The following FHIT variants were observed in gnomAD, a reference collection of about 807,000 sequenced individuals.
The protein encoded by FHIT is bis(5'-adenosyl)-triphosphatase.
Under a neutral mutation model 17.9 loss-of-function variants are expected in FHIT, and 19 were observed. The ratio of observed to expected loss-of-function variants is 1.06; its 90% confidence interval spans 0.74 to 1.56. The LOEUF (loss-of-function observed/expected upper bound fraction) is 1.56. Ranked by LOEUF, FHIT falls within the 40% of genes most tolerant of loss-of-function variation. The pLI is 0.00. For synonymous variants in FHIT, 81 were observed against 69.7 expected (o/e 1.16, Z -0.81); for missense variants, 248 against 189.2 (o/e 1.31, Z -1.82).
At position 60,730,093 on chromosome 3, in the gene FHIT, A is replaced by G. The variant is rs1553710746; in HGVS notation, c.-18+91826T>C. The G allele has an allele frequency of 5.9e-6, 3 of 512,450 alleles. No individual in the cohort carries two copies. In the Admixed American group the frequency reaches 6.5e-5, roughly 11 times the overall value. The allele number at this position is 512,450 out of a possible 1,614,324, so 31.7% of individuals were successfully genotyped here. ...TTCAAAAAATCTCTTCAGGTAGTAG[A>G]TGTGTCCCAATGTCATGGCAATTAG... On this transcript the variant is annotated intron_variant, in intron 4 of 9. Transcript: ENST00000492590.
intron 3 of FHIT, among the ~76,000 whole-genome samples, chr3:60,853,276 A>T (rs927050827): frequency 8.5e-5 from 13 of 152,176 alleles, no homozygotes; most frequent in Non-Finnish European, 1.8e-4. Flanking sequence ...TTTCTTCTAA[A>T]TAAAAATATT....
chr3:60,764,090 G>C (rs782418116), intron 4 of FHIT, among the ~76,000 whole-genome samples: 1 of 152,084 alleles, frequency 6.6e-6, no homozygotes, highest in Non-Finnish European at 1.5e-5. Flanking sequence ...TGGTACGACG[G>C]GGATTGGAAA....
chr3:60,309,291 G>C (rs1276280381), intron 5 of FHIT, among the ~76,000 whole-genome samples: 1 of 151,926 alleles, frequency 6.6e-6, no homozygotes, highest in East Asian at 1.9e-4. Context: ...TTATTACAAG[G>C]GTGGGTGGGG....
At chr3:60,877,417 T>A (rs1362595216) in intron 3 of FHIT, among the ~76,000 whole-genome samples, 1 of 152,166 alleles carries the variant, frequency 6.6e-6, no homozygotes, top group African/African-American at 2.4e-5. Flanking sequence ...GTGCTAGAGA[T>A]GAAGCAATAC....
At chr3:59,894,343 G>T (rs1436099829) in intron 8 of FHIT, among the ~76,000 whole-genome samples, 4 of 152,134 alleles carry the variant, frequency 2.6e-5, no homozygotes, top group Admixed American at 2.0e-4. Flanking sequence ...ACCTTATGAG[G>T]TTATTATGAA....
chr3:61,232,708 G>C (rs2040136511), intron 1 of FHIT, among the ~76,000 whole-genome samples: 1 of 152,168 alleles, frequency 6.6e-6, no homozygotes, highest in Non-Finnish European at 1.5e-5. Flanking sequence ...CACAGGACTA[G>C]GAAATTAAGA....
At chr3:59,945,672 T>C (rs896724177) in intron 7 of FHIT, among the ~76,000 whole-genome samples, 1 of 152,200 alleles carries the variant, frequency 6.6e-6, no homozygotes, top group Non-Finnish European at 1.5e-5. Context: ...GTTTTAGGTT[T>C]TACATTTAAG....
At chr3:60,876,069 A>G (rs1553756444) in intron 3 of FHIT, among the ~76,000 whole-genome samples, 2 of 152,214 alleles carry the variant, frequency 1.3e-5, no homozygotes, top group African/African-American at 4.8e-5. Context: ...TTTTGACTTC[A>G]TAACTTTACA....
At chr3:60,814,352 C>G (rs1435921927) in intron 4 of FHIT, among the ~76,000 whole-genome samples, 1 of 152,030 alleles carries the variant, frequency 6.6e-6, no homozygotes. Flanking sequence ...ACCTTTTCCC[C>G]TCTCCCTTCT....
chr3:60,216,702 G>T (rs1382542182), intron 5 of FHIT, among the ~76,000 whole-genome samples: 7 of 152,110 alleles, frequency 4.6e-5, no homozygotes, highest in African/African-American at 1.7e-4. Context: ...CAAATGCAGG[G>T]TTCCATAACA....
At chr3:59,953,400 G>A (rs952970291) in intron 7 of FHIT, among the ~76,000 whole-genome samples, 1 of 152,002 alleles carries the variant, frequency 6.6e-6, no homozygotes, top group Non-Finnish European at 1.5e-5. Context: ...TTGAGGTGTA[G>A]GGCTCTGCAA....
At chr3:60,135,651 G>A (rs1253382402) in intron 5 of FHIT, among the ~76,000 whole-genome samples, 1 of 152,100 alleles carries the variant, frequency 6.6e-6, no homozygotes, top group Non-Finnish European at 1.5e-5. Flanking sequence ...TGACCTACCA[G>A]AACTTCTCAC....
At chr3:61,092,673 G>C (rs1037609525) in intron 2 of FHIT, among the ~76,000 whole-genome samples, 1 of 152,066 alleles carries the variant, frequency 6.6e-6, no homozygotes, top group Non-Finnish European at 1.5e-5. Context: ...AGATGATTTA[G>C]AGAAATAGTT....
chr3:60,296,379 C>A (rs891319511), intron 5 of FHIT, among the ~76,000 whole-genome samples: 1 of 152,100 alleles, frequency 6.6e-6, no homozygotes, highest in African/African-American at 2.4e-5. Flanking sequence ...CATAGATGTG[C>A]AGCGATATCT....
intron 4 of FHIT, among the ~76,000 whole-genome samples, chr3:60,680,900 C>T (rs2040731336): frequency 6.6e-6 from 1 of 152,084 alleles, no homozygotes; most frequent in Non-Finnish European, 1.5e-5. Flanking sequence ...ACACTGAAGA[C>T]AATTGTAGAG....
intron 3 of FHIT, among the ~76,000 whole-genome samples, chr3:60,843,011 C>A (rs138348794): frequency 2.1e-3 from 317 of 152,170 alleles, no homozygotes; most frequent in African/African-American, 7.3e-3. Context: ...CATAGATATA[C>A]CAAAGATTTA....
intron 8 of FHIT, among the ~76,000 whole-genome samples, chr3:59,769,230 A>G (rs182560691): frequency 6.6e-6 from 1 of 152,180 alleles, no homozygotes; most frequent in African/African-American, 2.4e-5. Flanking sequence ...TTTGAGGCGG[A>G]AACTTGAGAG....
intron 2 of FHIT, among the ~76,000 whole-genome samples, chr3:61,189,615 C>T (rs553683874): frequency 1.1e-3 from 160 of 152,276 alleles, no homozygotes; most frequent in Middle Eastern, 3.4e-3. Context: ...AAAACGACCC[C>T]GCATCACCAA....
intron 4 of FHIT, among the ~76,000 whole-genome samples, chr3:60,603,476 C>T (rs868954660): frequency 2.0e-5 from 3 of 151,004 alleles, no homozygotes; most frequent in African/African-American, 4.9e-5. Flanking sequence ...ATGTTTAGAA[C>T]GATGCTCTTC....
Sources: allele counts gnomAD v4.1 joint callset (sites outside exome capture counted in the v4.1 genomes callset), GRCh38; gene constraint gnomAD v4.1.1; transcripts MANE v1.5; gene names NCBI Gene and HGNC (gene_info 2026-07-23, HGNC 2026-07-21).